RPS6KA2: variants seen among roughly 807,000 people sequenced by gnomAD.
The protein encoded by RPS6KA2 is ribosomal protein S6 kinase A2.
RPS6KA2 carries 42 observed loss-of-function variants against 91.8 expected under a neutral mutation model. That is an observed-to-expected ratio of 0.46 (90% confidence interval 0.36 to 0.59). The LOEUF (loss-of-function observed/expected upper bound fraction) is 0.59, where lower values mean the gene tolerates loss of function less well. Ranked by LOEUF, RPS6KA2 falls within the 20% of genes least tolerant of loss-of-function variation. The pLI is 0.00. For synonymous variants in RPS6KA2, 414 were observed against 393.6 expected (o/e 1.05, Z -0.61); for missense variants, 798 against 978.5 (o/e 0.82, Z 2.46).
intron 2 of RPS6KA2, among the ~76,000 whole-genome samples, chr6:166,663,529 A>G (rs1039882528): frequency 1.3e-5 from 2 of 152,186 alleles, no homozygotes; most frequent in African/African-American, 4.8e-5. Context: ...AAAAATATAA[A>G]CAGGGTTATT....
rs34982304 is a variant in RPS6KA2 at position 166,560,937 on chromosome 6, G to GT, written c.100-22154dup. Among the ~76,000 whole-genome samples, 270 of 148,680 alleles carry GT rather than the reference G, an allele frequency of 1.8e-3. 1 individual carries two copies. Among genetic ancestry groups the GT allele is most frequent in the African/African-American group, 5.6e-3 (227 of 40,778 alleles). ...GGCGTATTTCTTAGCCCAACATGGT[G>GT]TTTTTTTTTTTCCCTGAGACTAATC... On this transcript the variant is annotated intron_variant, in intron 1 of 20. Transcript: ENST00000265678.
At chr6:166,569,316 C>T (rs949445734) in intron 1 of RPS6KA2, among the ~76,000 whole-genome samples, 2 of 152,338 alleles carry the variant, frequency 1.3e-5, no homozygotes, top group East Asian at 3.9e-4. Context: ...AGGGAGGCAC[C>T]GAGGGCTGGG....
At chr6:166,712,825 G>A (rs964698386) in intron 2 of RPS6KA2, among the ~76,000 whole-genome samples, 3 of 152,194 alleles carry the variant, frequency 2.0e-5, no homozygotes, top group South Asian at 4.1e-4. Flanking sequence ...GACAGCACCC[G>A]AGGAGCTGCT....
rs1786435899 is a variant in RPS6KA2 at position 166,616,875 on chromosome 6, C to T, written c.99+10046G>A. On this transcript the variant is annotated intron_variant, in intron 1 of 20. Coordinates refer to ENST00000265678, the MANE Select transcript of RPS6KA2 (RefSeq NM_021135.6). ...GACCTAGCCCAGAGCCACCAAGGCCCCTGACAACAGGTGCCTGACTCTCCT... is the reference window on the plus strand; with the variant it reads ...GACCTAGCCCAGAGCCACCAAGGCCTCTGACAACAGGTGCCTGACTCTCCT... 2.6e-5 allele frequency among the ~76,000 whole-genome samples: 4 copies of T among 152,240 alleles called. No homozygotes were observed. The South Asian group carries it at 8.3e-4, about 31-fold the overall frequency.
chr6:166,679,989 G>A (rs1788740451), intron 2 of RPS6KA2, among the ~76,000 whole-genome samples: 1 of 152,228 alleles, frequency 6.6e-6, no homozygotes, highest in Non-Finnish European at 1.5e-5. Flanking sequence ...GGATGGGTGG[G>A]GACTTGGAGA....
In RPS6KA2 at chr6:166,675,505, C is replaced by G. The variant is rs1583008637; in HGVS notation, c.124-136721G>C. Among the ~76,000 whole-genome samples, 3 of 152,150 alleles carry G rather than the reference C, an allele frequency of 2.0e-5. No individual in the cohort carries two copies. In the East Asian group the frequency reaches 5.8e-4, roughly 29 times the overall value. On this transcript the variant is annotated intron_variant, in intron 2 of 21. Coordinates refer to the RPS6KA2 transcript ENST00000503859. ...AGAGGCTGTGACACCCGGCAAGGCC[C>G]TGGAAAATCCCCTCCCCAGCCCCAG... is the stretch of plus-strand genomic sequence containing the variant.
chr6:166,795,135 G>A (rs1363106384), intron 2 of RPS6KA2, among the ~76,000 whole-genome samples: 2 of 151,528 alleles, frequency 1.3e-5, no homozygotes, highest in East Asian at 3.9e-4. Flanking sequence ...TTAAATTCAG[G>A]GAAAAAAGAA....
intron 1 of RPS6KA2, among the ~76,000 whole-genome samples, chr6:166,614,112 C>T (rs1244879987): frequency 1.3e-5 from 2 of 152,264 alleles, no homozygotes; most frequent in Admixed American, 1.3e-4. Flanking sequence ...TCATTCAGCC[C>T]TGCGGAGATG....
At chr6:166,517,500 G>A (rs925019163) in intron 3 of RPS6KA2, among the ~76,000 whole-genome samples, 3 of 120,950 alleles carry the variant, frequency 2.5e-5, no homozygotes, top group African/African-American at 7.3e-5. Context: ...ACGGAGTCTC[G>A]CTCTGTCGCC....
At chr6:166,831,915 GAT>G (rs1780194092) in intron 2 of RPS6KA2, among the ~76,000 whole-genome samples, 1 of 29,664 alleles carries the variant, frequency 3.4e-5, no homozygotes, top group South Asian at 1.1e-3. Context: ...TGGATGGATA[GAT>G]AGACAGATGA....
chr6:166,652,905 T>C (rs1253823139), intron 2 of RPS6KA2, among the ~76,000 whole-genome samples: 6 of 152,224 alleles, frequency 3.9e-5, no homozygotes, highest in Non-Finnish European at 8.8e-5. Flanking sequence ...TCTCCCTGCC[T>C]CGTGCCTTGG....
intron 2 of RPS6KA2, among the ~76,000 whole-genome samples, chr6:166,677,499 T>G (rs888068690): frequency 6.6e-6 from 1 of 151,962 alleles, no homozygotes; most frequent in Non-Finnish European, 1.5e-5. Context: ...TAGCTGGGAC[T>G]ACAGGCATGC....
chr6:166,634,406 T>C (rs1286418523), intron 2 of RPS6KA2, among the ~76,000 whole-genome samples: 1 of 152,052 alleles, frequency 6.6e-6, no homozygotes, highest in Non-Finnish European at 1.5e-5. Context: ...TCTGAGTTGC[T>C]CCTCCCCCTT....
intron 10 of RPS6KA2, among the ~76,000 whole-genome samples, chr6:166,470,970 G>C (rs1436494253): frequency 6.6e-6 from 1 of 152,200 alleles, no homozygotes; most frequent in Non-Finnish European, 1.5e-5. Flanking sequence ...GGCTTGGCTG[G>C]AAGGGGCAGT....
At chr6:166,702,159 G>A (rs887866326) in intron 2 of RPS6KA2, 3 of 1,593,720 alleles carry the variant, frequency 1.9e-6, no homozygotes, top group Non-Finnish European at 2.6e-6. Context: ...GACTGGGTCT[G>A]TTTGGTGATG....
At position 166,852,664 on chromosome 6, in the gene RPS6KA2, C is replaced by T. The variant is rs13217471; in HGVS notation, c.123+5536G>A. ...ACTCGTCGAGGGGTCCAAGCAGCAACGGCTCGGCAACTCCGGGAGCTGGGC... is the reference window on the plus strand; with the variant it reads ...ACTCGTCGAGGGGTCCAAGCAGCAATGGCTCGGCAACTCCGGGAGCTGGGC... On this transcript the variant is annotated intron_variant, in intron 2 of 21. Coordinates refer to the RPS6KA2 transcript ENST00000503859. The surrounding 1 kb of genome is among the most constrained non-coding windows in gnomAD (Gnocchi z 4.1). Among the ~76,000 whole-genome samples the T allele has an allele frequency of 0.044, 6,627 of 152,132 alleles. 195 individuals carry two copies. The highest frequency in any genetic ancestry group is 0.082 in the Middle Eastern group (24 of 294).
intron 2 of RPS6KA2, among the ~76,000 whole-genome samples, chr6:166,704,274 CCTT>C (rs1415357923): frequency 6.6e-6 from 1 of 152,206 alleles, no homozygotes; most frequent in East Asian, 1.9e-4. Context: ...GTCAGTGTCT[CCTT>C]CTAGATGCAT....
Position 166,662,257 on chromosome 6 carries a change from T to G in RPS6KA2, c.124-123473A>C, listed in dbSNP as rs1788182590. ...TTTAATTCACTGGTATTCTTTTTTC[T>G]GGGATATTGCCATTGTAAGATTTGG... On this transcript the variant is annotated intron_variant, in intron 2 of 21. Coordinates refer to the RPS6KA2 transcript ENST00000503859. This position sits in a 1 kb window ranked among gnomAD's most constrained non-coding sequence, Gnocchi z 4.3. Among the ~76,000 whole-genome samples, 2 of 152,234 alleles carry G rather than the reference T, an allele frequency of 1.3e-5. No homozygotes were observed. The highest frequency in any genetic ancestry group is 2.9e-5 in the Non-Finnish European group (2 of 68,036).
intron 8 of RPS6KA2, among the ~76,000 whole-genome samples, chr6:166,492,879 C>T (rs1402554422): frequency 1.4e-5 from 2 of 145,400 alleles, no homozygotes; most frequent in Admixed American, 1.4e-4. Flanking sequence ...CCATGCCTGG[C>T]TAATTTTTGT....
Sources: allele counts gnomAD v4.1 joint callset (sites outside exome capture counted in the v4.1 genomes callset), GRCh38; gene constraint gnomAD v4.1.1; non-coding constraint Gnocchi (gnomAD v3.1); transcripts MANE v1.5; gene names NCBI Gene and HGNC (gene_info 2026-07-23, HGNC 2026-07-21).